Variants in OTOP1 observed in about 807,000 individuals in gnomAD.
OTOP1 encodes the protein proton channel OTOP1.
In OTOP1, 59 loss-of-function variants were observed where a neutral mutation model predicts 52.9. That is an observed-to-expected ratio of 1.12 (90% CI 0.91 to 1.39). The LOEUF is 1.39. OTOP1 is among the 40% of genes most tolerant of loss of function. OTOP1 has a pLI of 0.00. For missense variants in OTOP1, 761 were observed against 800.9 expected (o/e 0.95, Z 0.60); for synonymous variants, 317 against 337.7 (o/e 0.94, Z 0.67).
intron 4 of OTOP1, among the ~76,000 whole-genome samples, chr4:4,200,741 A>G (rs1305889774): frequency 2.8e-5 from 1 of 35,710 alleles, no homozygotes; most frequent in African/African-American, 1.0e-4. Flanking sequence ...TTTTTTTTTC[A>G]GAGCTGGGGT....
intron 5 of OTOP1, among the ~76,000 whole-genome samples, chr4:4,191,272 C>A (rs1373910964): frequency 6.6e-6 from 1 of 152,192 alleles, no homozygotes; most frequent in Non-Finnish European, 1.5e-5. Flanking sequence ...TCCATCCAGA[C>A]TTTCTCACCT....
Position 4,188,888 on chromosome 4 carries a change from A to G in OTOP1, c.1754T>C (p.Ile585Thr), listed in dbSNP as rs147866723. The G allele has an allele frequency of 6.8e-6, 11 of 1,613,814 alleles. No homozygotes were observed. The highest frequency in any genetic ancestry group is 1.3e-5 in the African/African-American group (1 of 74,918). ...AAAAGGCATGGCCAGGTTGACCACA[A>G]TTATCCAGGGTTCAAAGCCAAAGAC... ...EIVFGFEPWIIVVNLAMPFSI... is the reference protein window; with the variant it reads ...EIVFGFEPWITVVNLAMPFSI... Residue 585 changes from isoleucine (I) to threonine (T), a missense_variant, in exon 6 of 6, where the codon ATT becomes ACT. Physicochemically the swap from Ile to Thr is moderately conservative, Grantham distance 89. This residue lies in a region of OTOP1 where 632 missense variants were observed against 619.5 expected (regional missense o/e 1.02). Coordinates refer to ENST00000296358, the MANE Select transcript of OTOP1 (RefSeq NM_177998.3).
intron 5 of OTOP1, among the ~76,000 whole-genome samples, chr4:4,195,212 T>A (rs1210644513): frequency 1.3e-5 from 2 of 152,236 alleles, no homozygotes; most frequent in Non-Finnish European, 2.9e-5. Context: ...CATGTGGAAT[T>A]TATGCCAAAC....
rs1716696706 is a variant in OTOP1 at position 4,198,183 on chromosome 4, A to T, written c.731-80T>A. ...CAGAAAAGCACAGAAAACTGTTTCC[A>T]CCGTGGATTCAGGCTTGGGTCTTCC... On this transcript the variant is annotated intron_variant, in intron 4 of 5. Transcript: ENST00000296358. 2.4e-6 allele frequency: 3 copies of T among 1,254,498 alleles called. No individual in the cohort carries two copies. The African/African-American group carries it at 4.5e-5, about 19-fold the overall frequency. 77.7% of individuals were successfully genotyped at this position (1,254,498 alleles called of 1,614,324 possible).
intron 1 of OTOP1, among the ~76,000 whole-genome samples, chr4:4,220,685 G>A (rs545351366): frequency 2.2e-4 from 34 of 152,216 alleles, no homozygotes; most frequent in African/African-American, 6.5e-4. Context: ...TCACTCAATC[G>A]CCAAGAAAAA....
intron 1 of OTOP1, among the ~76,000 whole-genome samples, chr4:4,214,344 C>T (rs1717089361): frequency 6.6e-6 from 1 of 152,020 alleles, no homozygotes; most frequent in Non-Finnish European, 1.5e-5. Flanking sequence ...AAATAGTGCT[C>T]TGTTGGTAGG....
At chr4:4,220,103 ATAT>A (rs1299159651) in intron 1 of OTOP1, among the ~76,000 whole-genome samples, 3,954 of 53,506 alleles carry the variant, frequency 0.074, 127 homozygotes, top group Non-Finnish European at 0.1. Flanking sequence ...ATATATATAT[ATAT>A]TTTTTTTTTT....
chr4:4,200,967 G>C (rs2920186), intron 4 of OTOP1, among the ~76,000 whole-genome samples: 102,258 of 152,002 alleles, frequency 0.67, 34,901 homozygotes, highest in African/African-American at 0.75. Context: ...CAGAATGTTA[G>C]AGCTGACAGA....
Position 4,226,446 on chromosome 4 carries a change from C to A in OTOP1, c.403+16G>T, listed in dbSNP as rs745535513. The A allele has an allele frequency of 2.1e-6, 3 of 1,422,706 alleles. No homozygotes were observed. Among genetic ancestry groups the A allele is most frequent in the Non-Finnish European group, 2.7e-6 (3 of 1,093,690 alleles). The allele number at this position is 1,422,706 out of a possible 1,614,324, so 88.1% of individuals were successfully genotyped here. A position where few individuals can be genotyped will look rare whatever the true frequency, so the allele number is the denominator to read the frequency against. On this transcript the variant is annotated intron_variant, in intron 1 of 5. Transcript: ENST00000296358. ...GCGAGGAGGCGGAGACCCGCTCGCC[C>A]GGCGCCTGGACTCACCGCGCAGCCA... is the stretch of plus-strand genomic sequence containing the variant.
At chr4:4,193,816 A>C (rs1371762372) in intron 5 of OTOP1, among the ~76,000 whole-genome samples, 3 of 152,200 alleles carry the variant, frequency 2.0e-5, no homozygotes, top group Non-Finnish European at 4.4e-5. Context: ...TGGGTCCAAA[A>C]ATTCAAGCCA....
intron 5 of OTOP1, among the ~76,000 whole-genome samples, chr4:4,190,212 C>A (rs1281406820): frequency 1.3e-5 from 2 of 152,166 alleles, no homozygotes; most frequent in Admixed American, 1.3e-4. Flanking sequence ...GTGGCTCACA[C>A]CTATAATCCC....
At chr4:4,194,602 G>A (rs1003863175) in intron 5 of OTOP1, among the ~76,000 whole-genome samples, 2 of 152,206 alleles carry the variant, frequency 1.3e-5, no homozygotes, top group African/African-American at 4.8e-5. Flanking sequence ...CGTTCTTAGG[G>A]TGATATCAAA....
In OTOP1 at chr4:4,197,662, G is replaced by A. The variant is rs375576568; in HGVS notation, c.1172C>T (p.Ser391Leu). 1.4e-5 allele frequency: 23 copies of A among 1,613,582 alleles called. No individual in the cohort carries two copies. The highest frequency in any genetic ancestry group is 8.9e-5 in the East Asian group (4 of 44,882). ...CGAGGCAGTGCCCACCAAGAGGTCCGAGTCCAGTTTGCGGGCCGGATTTTT... is the reference window on the plus strand; with the variant it reads ...CGAGGCAGTGCCCACCAAGAGGTCCAAGTCCAGTTTGCGGGCCGGATTTTT... ...ESKNPARKLD[S>L]DLLVGTASGS... The change falls in exon 5 of 6, where the codon TCG becomes TTG. Residue 391 changes from serine to leucine, a missense_variant. Physicochemically the swap from Ser to Leu is moderately radical, Grantham distance 145. This residue lies in a region of OTOP1 where 632 missense variants were observed against 619.5 expected (regional missense o/e 1.02). Coordinates refer to ENST00000296358, the MANE Select transcript of OTOP1 (RefSeq NM_177998.3).
At chr4:4,194,987 T>C (rs1391077516) in intron 5 of OTOP1, among the ~76,000 whole-genome samples, 1 of 152,232 alleles carries the variant, frequency 6.6e-6, no homozygotes, top group Admixed American at 6.5e-5. Context: ...TGCAGGGCTT[T>C]CTCTCCCAGT....
chr4:4,209,327 T>C (rs1390128974), intron 2 of OTOP1, among the ~76,000 whole-genome samples: 1 of 151,480 alleles, frequency 6.6e-6, no homozygotes, highest in African/African-American at 2.5e-5. Context: ...TATATATATA[T>C]ACACATATAT....
intron 5 of OTOP1, among the ~76,000 whole-genome samples, chr4:4,194,475 C>T (rs1455057875): frequency 1.3e-5 from 2 of 152,238 alleles, no homozygotes; most frequent in Non-Finnish European, 2.9e-5. Flanking sequence ...GCCTTCAGCG[C>T]CCCTCCTCAC....
chr4:4,191,063 A>G (rs563234749), intron 5 of OTOP1, among the ~76,000 whole-genome samples: 170 of 152,198 alleles, frequency 1.1e-3, no homozygotes, highest in African/African-American at 3.9e-3. Context: ...CACACCTCAA[A>G]CTCAACCCAC....
rs548341243 is a variant in OTOP1, at chr4:4,226,570, G to A, written c.295C>T (p.Leu99Phe). The A allele has an allele frequency of 3.1e-6, 5 of 1,604,758 alleles. No homozygotes were observed. The highest frequency in any genetic ancestry group is 1.3e-5 in the African/African-American group (1 of 74,394). The change falls in exon 1 of 6, where the codon CTC (leucine) becomes TTC (phenylalanine). Residue 99 changes from leucine (L) to phenylalanine (F), a missense_variant. Transcript: ENST00000296358. ...ATCCACAGCAGCTGCAGCAGCATGA[G>A]CGCCGTCAGGAAGCACAGCAGGTCG... Reference protein sequence around the residue: ...KSDLLCFLTALMLLQLLWMLW... With the variant: ...KSDLLCFLTAFMLLQLLWMLW...
intron 5 of OTOP1, among the ~76,000 whole-genome samples, chr4:4,191,431 A>C (rs1716502780): frequency 1.3e-5 from 2 of 151,872 alleles, no homozygotes; most frequent in Admixed American, 1.3e-4. Context: ...TAAAATCTAC[A>C]CTCCCGCATG....
Sources: allele counts gnomAD v4.1 joint callset (sites outside exome capture counted in the v4.1 genomes callset), GRCh38; gene constraint gnomAD v4.1.1; regional missense constraint gnomAD v4.1.1; transcripts MANE v1.5; gene names NCBI Gene and HGNC (gene_info 2026-07-23, HGNC 2026-07-21).